CCDC187: variants seen among roughly 807,000 people sequenced by gnomAD.
CCDC187 encodes coiled-coil domain-containing protein 187.
A neutral mutation model predicts 38.0 loss-of-function variants in CCDC187; 32 were observed. The observed-to-expected ratio is 0.84, with a 90% CI of 0.64 to 1.13. The LOEUF is 1.13. CCDC187 is among the 50% of genes most tolerant of loss of function. The pLI, the probability that CCDC187 is intolerant of heterozygous loss-of-function variation, is 0.00. For synonymous variants in CCDC187, 333 were observed against 347.9 expected (o/e 0.96, Z 0.48); for missense variants, 707 against 786.8 (o/e 0.90, Z 1.21).
intron 4 of CCDC187, among the ~76,000 whole-genome samples, chr9:136,292,825 C>A (rs899526675): frequency 6.6e-6 from 1 of 152,210 alleles, no homozygotes; most frequent in Non-Finnish European, 1.5e-5. Context: ...AGCAGTCACA[C>A]GGGTGGGCAG....
At chr9:136,301,360 G>A (rs2131364961) in intron 2 of CCDC187, among the ~76,000 whole-genome samples, 1 of 38,834 alleles carries the variant, frequency 2.6e-5, no homozygotes, top group South Asian at 1.1e-3. Flanking sequence ...ACTGATAGGA[G>A]GTCCCCAGAG....
At chr9:136,289,235 G>A (rs1013679017) in intron 7 of CCDC187, among the ~76,000 whole-genome samples, 68 of 152,210 alleles carry the variant, frequency 4.5e-4, no homozygotes, top group African/African-American at 1.5e-3. Flanking sequence ...AGGCAAATCC[G>A]GGCGGGGCGC....
Position 136,258,701 on chromosome 9 carries a change from G to A in CCDC187, c.4366+231C>T. On this transcript the variant is annotated intron_variant, in intron 22 of 25. Transcript: ENST00000638797. This position sits in a 1 kb window ranked among gnomAD's most constrained non-coding sequence, Gnocchi z 4.3. ...GACTAAAACAATCCCAGCCAGTTAT[G>A]ACTTTTAATTTCTCCAGAAGAGCCG... 1 of 985,464 alleles carries A rather than the reference G, an allele frequency of 1.0e-6. No individual in the cohort carries two copies. The allele number at this position is 985,464 out of a possible 1,614,324, so 61.0% of individuals were successfully genotyped here. A position where few individuals can be genotyped will look rare whatever the true frequency, so the allele number is the denominator to read the frequency against.
intron 23 of CCDC187, 81 bp from the exon 24 acceptor site, chr9:136,256,404 G>A (rs1162926286): frequency 2.9e-6 from 2 of 688,982 alleles, no homozygotes; most frequent in African/African-American, 1.9e-5. Context: ...TGGAGCCCCT[G>A]TGCTTCCAGC....
intron 4 of CCDC187, among the ~76,000 whole-genome samples, chr9:136,294,602 G>A (rs1452378826): frequency 6.6e-6 from 1 of 152,196 alleles, no homozygotes; most frequent in African/African-American, 2.4e-5. Flanking sequence ...GACTGAGTCA[G>A]GGACTTCCCT....
chr9:136,294,857 A>G (rs1305057209), intron 4 of CCDC187, among the ~76,000 whole-genome samples: 1 of 152,202 alleles, frequency 6.6e-6, no homozygotes. Flanking sequence ...ACTGTCTAGG[A>G]CAGGACCCCA....
intron 14 of CCDC187, among the ~76,000 whole-genome samples, chr9:136,272,277 TA>T (rs1241310841): frequency 6.6e-6 from 1 of 152,244 alleles, no homozygotes; most frequent in Non-Finnish European, 1.5e-5. Flanking sequence ...GATGTAAATA[TA>T]AACACATATA....
chr9:136,302,703 A>T, intron 2 of CCDC187, 109 bp downstream of exon 2: 1 of 397,494 alleles, frequency 2.5e-6, no homozygotes. Flanking sequence ...CGCTGCATAC[A>T]CCCGGCTGGC....
At chr9:136,276,967 C>T (rs971571193) in intron 10 of CCDC187, among the ~76,000 whole-genome samples, 7 of 152,008 alleles carry the variant, frequency 4.6e-5, no homozygotes, top group African/African-American at 9.7e-5. Context: ...TGCAGCCCCA[C>T]GGAAGGACAC....
chr9:136,251,012 C>G lies in CCDC187; in HGVS notation c.*2582G>C, dbSNP rs1331968711. 2.8e-5 allele frequency: 13 copies of G among 456,162 alleles called. No individual in the cohort carries two copies. The highest frequency in any genetic ancestry group is 2.6e-4 in the African/African-American group (13 of 50,092). The allele number at this position is 456,162 out of a possible 1,614,324, so 28.3% of individuals were successfully genotyped here. On this transcript the variant is annotated 3_prime_UTR_variant, in exon 26 of 26. Transcript: ENST00000638797. ...CTGGCATCTTAGGGCTTTGCCACGC[C>G]AGCTTTGTGATGCCTCCCACCAGAC...
In CCDC187 at chr9:136,259,578, G is replaced by A. The variant is rs1830657480; in HGVS notation, c.4211-130C>T. Reference sequence around the variant, plus strand: ...GGGGAGAGACAAGCTAACCTCAAGGGAGACAGGGACGGCCTGGGGCCACAT... The same window carrying A: ...GGGGAGAGACAAGCTAACCTCAAGGAAGACAGGGACGGCCTGGGGCCACAT... On this transcript the variant is annotated intron_variant, in intron 20 of 25. Coordinates refer to ENST00000638797, the MANE Select transcript of CCDC187 (RefSeq NM_001378188.1). 1.1e-5 allele frequency: 3 copies of A among 266,122 alleles called. No individual in the cohort carries two copies. In the South Asian group the frequency reaches 4.2e-4, roughly 38 times the overall value. The allele number at this position is 266,122 out of a possible 1,614,324, so 16.5% of individuals were successfully genotyped here. A position where few individuals can be genotyped will look rare whatever the true frequency, so the allele number is the denominator to read the frequency against.
intron 10 of CCDC187, among the ~76,000 whole-genome samples, chr9:136,280,156 G>T (rs1035162112): frequency 6.6e-6 from 1 of 152,256 alleles, no homozygotes; most frequent in Non-Finnish European, 1.5e-5. Flanking sequence ...CGGCACATGC[G>T]CTTTCTGCCT....
intron 14 of CCDC187, among the ~76,000 whole-genome samples, chr9:136,273,568 A>G (rs1327641219): frequency 6.6e-6 from 1 of 152,226 alleles, no homozygotes; most frequent in Non-Finnish European, 1.5e-5. Flanking sequence ...TTGCAACGTG[A>G]TATTTCAATT....
At chr9:136,304,397 C>T (rs1831765828), upstream of CCDC187, among the ~76,000 whole-genome samples, 1 of 152,190 alleles carries the variant, frequency 6.6e-6, no homozygotes, top group Non-Finnish European at 1.5e-5. Context: ...GCCCAGACAT[C>T]CCAACAGAAA....
chr9:136,297,868 A>G (rs1831574185), intron 3 of CCDC187, 47 bp from the exon 4 acceptor site: 1 of 396,218 alleles, frequency 2.5e-6, no homozygotes, highest in South Asian at 1.3e-4. Context: ...GGTGAGCAGT[A>G]AAGTGACACA....
Position 136,255,129 on chromosome 9 carries a change from G to C in CCDC187, c.4699C>G (p.Pro1567Ala). The change falls in exon 26 of 26, where the codon CCT (proline) becomes GCT (alanine). Residue 1567 changes from proline (P) to alanine (A), a missense_variant. Coordinates refer to ENST00000638797, the MANE Select transcript of CCDC187 (RefSeq NM_001378188.1). ...GGCGCCGCCTCCTCAGGGACCACAG[G>C]AGCTGCTAAGAGAGGGGGCAATCAA... Reference protein sequence around the residue: ...AAQAAASPAAPVVPEEAAPPI... With the variant: ...AAQAAASPAAAVVPEEAAPPI... The C allele has an allele frequency of 2.0e-6, 2 of 985,490 alleles. No individual in the cohort carries two copies. The highest frequency in any genetic ancestry group is 9.4e-5 in the South Asian group (2 of 21,290). 61.0% of individuals were successfully genotyped at this position (985,490 alleles called of 1,614,324 possible). A position where few individuals can be genotyped will look rare whatever the true frequency, so the allele number is the denominator to read the frequency against.
rs1184279382 is a variant in CCDC187, at chr9:136,290,671, G to A, written c.1942C>T (p.Gln648Ter). 2.8e-4 allele frequency: 111 copies of A among 398,548 alleles called. No homozygotes were observed. The East Asian group carries it at 3.8e-3, about 14-fold the overall frequency. 24.7% of individuals were successfully genotyped at this position (398,548 alleles called of 1,614,324 possible). Residue 648 changes from glutamine to a stop codon, truncating the protein, a stop_gained, in exon 6 of 26, where the codon CAG (glutamine) becomes TAG (stop). Transcript: ENST00000638797. LOFTEE classifies it high-confidence loss of function. The stretch of plus-strand genomic sequence containing the variant: ...TCCAGGGCCTGCCGCCGCCGGGCCT[G>A]CGCCTTCTGGCGCATGAACTCCCGC... ...SLREFMRQKA[Q>*]ARRRQALEEK...
chr9:136,260,993 T>C (rs1353165690), intron 19 of CCDC187, among the ~76,000 whole-genome samples: 1 of 152,124 alleles, frequency 6.6e-6, no homozygotes, highest in Non-Finnish European at 1.5e-5. Flanking sequence ...GGCACTGTGC[T>C]CTTAGAGCCG....
rs1052185273 is a variant in CCDC187, at chr9:136,250,398, C to T, written c.*3196G>A. The T allele has an allele frequency of 1.0e-5, 3 of 286,508 alleles. No homozygotes were observed. The highest frequency in any genetic ancestry group is 2.0e-5 in the Non-Finnish European group (3 of 146,660). 17.7% of individuals were successfully genotyped at this position (286,508 alleles called of 1,614,324 possible). A position where few individuals can be genotyped will look rare whatever the true frequency, so the allele number is the denominator to read the frequency against. On this transcript the variant is annotated 3_prime_UTR_variant, in exon 26 of 26. Coordinates refer to ENST00000638797, the MANE Select transcript of CCDC187 (RefSeq NM_001378188.1). Reference sequence around the variant, plus strand: ...TTGCGCCGCACGTCAGCACCAACCACGTGGCAGCGAGCCTGGGAGCCATCA... The same window carrying T: ...TTGCGCCGCACGTCAGCACCAACCATGTGGCAGCGAGCCTGGGAGCCATCA...
Sources: allele counts gnomAD v4.1 joint callset (sites outside exome capture counted in the v4.1 genomes callset), GRCh38; gene constraint gnomAD v4.1.1; non-coding constraint Gnocchi (gnomAD v3.1); transcripts MANE v1.5; gene names NCBI Gene and HGNC (gene_info 2026-07-23, HGNC 2026-07-21).